Variants in TXK observed in about 807,000 individuals in gnomAD.
TXK encodes tyrosine-protein kinase TXK.
Under a neutral mutation model 81.0 loss-of-function variants are expected in TXK, and 60 were observed. The ratio of observed to expected loss-of-function variants is 0.74; its 90% CI spans 0.60 to 0.92. The LOEUF (loss-of-function observed/expected upper bound fraction) is 0.92. Ranked by LOEUF, TXK falls within the 40% of genes least tolerant of loss-of-function variation. The pLI, the probability that TXK is intolerant of heterozygous loss-of-function variation, is 0.00. For missense variants in TXK, 581 were observed against 638.3 expected (o/e 0.91, Z 0.97); for synonymous variants, 203 against 210.7 (o/e 0.96, Z 0.32).
chr4:48,090,390 G>A (rs531596825), intron 8 of TXK, among the ~76,000 whole-genome samples: 12 of 152,192 alleles, frequency 7.9e-5, no homozygotes, highest in African/African-American at 2.9e-4. Context: ...AACCACCAAC[G>A]GTGTTGAAGT....
chr4:48,114,933 T>TA (rs916788595), intron 1 of TXK, among the ~76,000 whole-genome samples: 1 of 151,968 alleles, frequency 6.6e-6, no homozygotes, highest in African/African-American at 2.4e-5. Flanking sequence ...TGAGGAGCTT[T>TA]AAAAAAAATA....
chr4:48,102,698 C>T (rs1718243698), intron 6 of TXK, among the ~76,000 whole-genome samples: 1 of 152,100 alleles, frequency 6.6e-6, no homozygotes, highest in South Asian at 2.1e-4. Flanking sequence ...AGTAACAAAT[C>T]AGAAACATTT....
At chr4:48,090,489 T>C (rs957705956) in intron 8 of TXK, among the ~76,000 whole-genome samples, 8 of 152,216 alleles carry the variant, frequency 5.3e-5, no homozygotes, top group Admixed American at 5.2e-4. Context: ...AACATATAGA[T>C]TTCTATACAT....
At chr4:48,101,749 T>C (rs1333047808) in intron 6 of TXK, among the ~76,000 whole-genome samples, 1 of 150,646 alleles carries the variant, frequency 6.6e-6, no homozygotes, top group Non-Finnish European at 1.5e-5. Flanking sequence ...TAAAAGAGGA[T>C]AGAAATCCAT....
At chr4:48,097,811 C>G (rs1359143482) in intron 6 of TXK, among the ~76,000 whole-genome samples, 1 of 149,464 alleles carries the variant, frequency 6.7e-6, no homozygotes, top group Non-Finnish European at 1.5e-5. Context: ...GCAGTGGCGC[C>G]ATCTCGGCTC....
intron 1 of TXK, among the ~76,000 whole-genome samples, chr4:48,131,334 TTA>T (rs1339024652): frequency 6.5e-5 from 9 of 137,878 alleles, no homozygotes; most frequent in Admixed American, 1.5e-4. Context: ...TTTTTTTTTT[TTA>T]AAAGACTGGG....
At chr4:48,114,796 A>G (rs1018644344) in intron 1 of TXK, among the ~76,000 whole-genome samples, 3 of 152,206 alleles carry the variant, frequency 2.0e-5, no homozygotes, top group Non-Finnish European at 4.4e-5. Context: ...TATTTTTTTA[A>G]ATTGAAATGT....
chr4:48,113,369 C>T, intron 2 of TXK, 60 bp from the exon 3 acceptor site: 2 of 1,305,652 alleles, frequency 1.5e-6, no homozygotes, highest in Non-Finnish European at 2.2e-6. Flanking sequence ...ATCTATACAT[C>T]CACTAGATTT....
At chr4:48,080,598 T>C (rs536443044) in intron 10 of TXK, among the ~76,000 whole-genome samples, 1 of 148,890 alleles carries the variant, frequency 6.7e-6, no homozygotes, top group Non-Finnish European at 1.5e-5. Context: ...AAAAGGAAAA[T>C]TGTAGATAAA....
intron 8 of TXK, among the ~76,000 whole-genome samples, chr4:48,092,137 G>T (rs1286652188): frequency 6.6e-6 from 1 of 152,192 alleles, no homozygotes; most frequent in Non-Finnish European, 1.5e-5. Flanking sequence ...AATGGTGTAA[G>T]ATGAAGCATC....
rs1341315312 is a variant in TXK at position 48,067,462 on chromosome 4, TG to T, written c.*174del. 1.6e-6 allele frequency: 1 copy of T among 637,208 alleles called. No individual in the cohort carries two copies. The highest frequency in any genetic ancestry group is 2.7e-6 in the Non-Finnish European group (1 of 367,128). The allele number at this position is 637,208 out of a possible 1,614,324, so 39.5% of individuals were successfully genotyped here. A position where few individuals can be genotyped will look rare whatever the true frequency, so the allele number is the denominator to read the frequency against. On this transcript the variant is annotated 3_prime_UTR_variant, in exon 15 of 15. Transcript: ENST00000264316. The stretch of plus-strand genomic sequence containing the variant: ...TCCCTCTCACACATAGAAAAACGAT[TG>T]TGTGAATATTCTTAAATTTTTAAAA...
intron 5 of TXK, among the ~76,000 whole-genome samples, chr4:48,108,888 A>G (rs969163279): frequency 1.3e-5 from 2 of 152,202 alleles, no homozygotes; most frequent in Non-Finnish European, 2.9e-5. Context: ...TGAATAATGA[A>G]AGGGTGGAAA....
intron 10 of TXK, among the ~76,000 whole-genome samples, chr4:48,080,676 AC>A: frequency 1.3e-5 from 2 of 151,338 alleles, no homozygotes; most frequent in Non-Finnish European, 3.0e-5. Flanking sequence ...ACACACACAC[AC>A]ACACACACAC....
At chr4:48,089,869 T>C in intron 8 of TXK, 45 bp from the exon 9 acceptor site, 3 of 1,373,394 alleles carry the variant, frequency 2.2e-6, no homozygotes, top group South Asian at 1.2e-5. Context: ...GTTGCTAATA[T>C]AGAAGAAAGA....
intron 1 of TXK, among the ~76,000 whole-genome samples, chr4:48,128,257 T>C (rs1019807265): frequency 1.3e-5 from 2 of 152,206 alleles, no homozygotes; most frequent in Non-Finnish European, 2.9e-5. Flanking sequence ...TTTAAAAACA[T>C]GGCTTGAAAC....
chr4:48,103,031 G>A (rs1042000029), intron 6 of TXK, among the ~76,000 whole-genome samples: 1 of 152,170 alleles, frequency 6.6e-6, no homozygotes, highest in African/African-American at 2.4e-5. Context: ...GGCTTCAACT[G>A]TATCTGTAAT....
intron 8 of TXK, among the ~76,000 whole-genome samples, chr4:48,093,695 C>A (rs917925116): frequency 3.9e-5 from 6 of 152,046 alleles, no homozygotes; most frequent in Admixed American, 1.3e-4. Flanking sequence ...CTATTACAAT[C>A]GTCAAAAGTA....
At chr4:48,124,686 G>A (rs539149814) in intron 1 of TXK, among the ~76,000 whole-genome samples, 8 of 152,094 alleles carry the variant, frequency 5.3e-5, no homozygotes, top group South Asian at 2.1e-4. Flanking sequence ...CTGAGCTTCC[G>A]GAGCTTTAGC....
chr4:48,074,646 C>G (rs1282346044), intron 12 of TXK, among the ~76,000 whole-genome samples: 1 of 152,154 alleles, frequency 6.6e-6, no homozygotes, highest in African/African-American at 2.4e-5. Context: ...AACCCTCTCT[C>G]TTTTTTGAGA....
Sources: allele counts gnomAD v4.1 joint callset (sites outside exome capture counted in the v4.1 genomes callset), GRCh38; gene constraint gnomAD v4.1.1; transcripts MANE v1.5; gene names NCBI Gene and HGNC (gene_info 2026-07-23, HGNC 2026-07-21).